The following STRBP variants were observed in gnomAD, a reference collection of about 807,000 sequenced individuals.
STRBP encodes spermatid perinuclear RNA-binding protein.
STRBP carries 13 observed loss-of-function variants against 80.1 expected under a neutral mutation model. The observed-to-expected ratio is 0.16, with a 90% CI of 0.11 to 0.26. The LOEUF (loss-of-function observed/expected upper bound fraction) is 0.26. STRBP is among the 10% of genes least tolerant of loss of function. The pLI is 1.00. For synonymous variants in STRBP, 284 were observed against 291.2 expected (o/e 0.98, Z 0.25); for missense variants, 485 against 815.2 (o/e 0.59, Z 4.93).
chr9:123,171,470 A>G (rs1268950089), intron 5 of STRBP, among the ~76,000 whole-genome samples: 2 of 152,160 alleles, frequency 1.3e-5, no homozygotes, highest in Admixed American at 6.5e-5. Context: ...CACCATGAAA[A>G]CTGGGCAGGG....
Position 123,138,990 on chromosome 9 carries a change from T to A in STRBP, c.1497+539A>T, listed in dbSNP as rs112926279. Among the ~76,000 whole-genome samples, 1,291 of 152,316 alleles carry A rather than the reference T, an allele frequency of 8.5e-3. 18 individuals are homozygous for A. Among genetic ancestry groups the A allele is most frequent in the African/African-American group, 0.029 (1,192 of 41,562 alleles). ...GTGTATACTCAGTACTTGGATTTCA[T>A]CCCATTCTATTATCTGCGACAATAA... On this transcript the variant is annotated intron_variant, in intron 14 of 18. Coordinates refer to ENST00000348403, the MANE Select transcript of STRBP (RefSeq NM_018387.5).
chr9:123,225,349 A>T (rs1225249287), intron 2 of STRBP, among the ~76,000 whole-genome samples: 5 of 152,234 alleles, frequency 3.3e-5, no homozygotes, highest in African/African-American at 1.2e-4. Flanking sequence ...AAAAAGGAAA[A>T]CAGAAAAGTA....
intron 4 of STRBP, 125 bp downstream of exon 4, chr9:123,178,882 G>A: frequency 1.4e-6 from 1 of 721,072 alleles, no homozygotes; most frequent in Non-Finnish European, 2.3e-6. Flanking sequence ...TTACTTCCTT[G>A]GTTATAGTCT....
intron 14 of STRBP, among the ~76,000 whole-genome samples, chr9:123,137,952 T>C (rs1300602391): frequency 1.3e-5 from 2 of 152,214 alleles, no homozygotes; most frequent in East Asian, 3.8e-4. Context: ...TAATGAGTGA[T>C]TTTTGAAACT....
chr9:123,258,495 C>A (rs906944917), intron 1 of STRBP, among the ~76,000 whole-genome samples: 1 of 152,266 alleles, frequency 6.6e-6, no homozygotes, highest in East Asian at 1.9e-4. Context: ...CAGAAATATG[C>A]CTGGTATGTT....
At chr9:123,213,149 T>C (rs1267692968) in intron 2 of STRBP, among the ~76,000 whole-genome samples, 1 of 152,200 alleles carries the variant, frequency 6.6e-6, no homozygotes, top group Non-Finnish European at 1.5e-5. Context: ...ACAGTCATGG[T>C]AGTAGTTTGA....
chr9:123,190,731 A>C (rs1448869592), intron 2 of STRBP, among the ~76,000 whole-genome samples: 1 of 152,260 alleles, frequency 6.6e-6, no homozygotes, highest in Non-Finnish European at 1.5e-5. Flanking sequence ...GAGCCAGCTA[A>C]GTCGAACCAG....
In STRBP at chr9:123,169,895, T is replaced by A. The variant is rs111326919; in HGVS notation, c.535+7A>T. On this transcript the variant is annotated splice_region_variant and intron_variant, in intron 6 of 18. Transcript: ENST00000348403. ...ATACATATATATATATATATATACA[T>A]GTGTACCTCCATCCTTCTTCTCCAA... The A allele has an allele frequency of 6.9e-7, 1 of 1,443,064 alleles. No homozygotes were observed. The allele number at this position is 1,443,064 out of a possible 1,614,324, so 89.4% of individuals were successfully genotyped here. A position where few individuals can be genotyped will look rare whatever the true frequency, so the allele number is the denominator to read the frequency against.
At chr9:123,191,862 C>A (rs1385887057) in intron 2 of STRBP, among the ~76,000 whole-genome samples, 1 of 152,230 alleles carries the variant, frequency 6.6e-6, no homozygotes, top group East Asian at 1.9e-4. Flanking sequence ...GTTTTCAGCA[C>A]AGAATGACAA....
rs1397280229 is a variant in STRBP at position 123,184,222 on chromosome 9, C to T, written c.-88G>A. 4.3e-6 allele frequency: 6 copies of T among 1,381,208 alleles called. No individual in the cohort carries two copies. In the East Asian group the frequency reaches 1.2e-4, roughly 27 times the overall value. 85.6% of individuals were successfully genotyped at this position (1,381,208 alleles called of 1,614,324 possible). ...TAGACACTGTTTTGTGTAACAATACCTCCTCATAAGCCTGAGTCCCCTGAC... is the reference window on the plus strand; with the variant it reads ...TAGACACTGTTTTGTGTAACAATACTTCCTCATAAGCCTGAGTCCCCTGAC... On this transcript the variant is annotated 5_prime_UTR_variant, in exon 3 of 19. Transcript: ENST00000348403.
At chr9:123,161,881 T>G (rs367556114) in intron 6 of STRBP, among the ~76,000 whole-genome samples, 2 of 152,358 alleles carry the variant, frequency 1.3e-5, no homozygotes, top group East Asian at 1.9e-4. Context: ...ACAGCCAAAT[T>G]TATCTCCTCT....
At chr9:123,224,222 G>A (rs1190523397) in intron 2 of STRBP, among the ~76,000 whole-genome samples, 2 of 152,298 alleles carry the variant, frequency 1.3e-5, no homozygotes, top group African/African-American at 4.8e-5. Context: ...ACCCACTCAT[G>A]CCTTGTCTAA....
intron 2 of STRBP, among the ~76,000 whole-genome samples, chr9:123,218,008 C>T (rs1178822957): frequency 6.6e-6 from 1 of 152,190 alleles, no homozygotes; most frequent in Non-Finnish European, 1.5e-5. Flanking sequence ...AGCATCCTCA[C>T]ACTACAAACA....
At chr9:123,207,548 C>T (rs2039563011) in intron 2 of STRBP, among the ~76,000 whole-genome samples, 1 of 151,832 alleles carries the variant, frequency 6.6e-6, no homozygotes, top group Non-Finnish European at 1.5e-5. Context: ...GAGTGGTTAC[C>T]TTTGGGAAAA....
chr9:123,139,520 T>C lies in STRBP; in HGVS notation c.1497+9A>G, dbSNP rs1462995489. 3.2e-6 allele frequency: 5 copies of C among 1,554,238 alleles called. No homozygotes were observed. Among genetic ancestry groups the C allele is most frequent in the Admixed American group, 4.4e-5 (2 of 45,328 alleles). Reference sequence around the variant, plus strand: ...TGTTATTTTTTTTCTGAGAAAAAAATAAGTATACCTCTAAGGTACTGGAGG... The same window carrying C: ...TGTTATTTTTTTTCTGAGAAAAAAACAAGTATACCTCTAAGGTACTGGAGG... On this transcript the variant is annotated intron_variant, in intron 14 of 18. Coordinates refer to ENST00000348403, the MANE Select transcript of STRBP (RefSeq NM_018387.5).
intron 1 of STRBP, among the ~76,000 whole-genome samples, chr9:123,241,329 T>C (rs1026177772): frequency 6.6e-6 from 1 of 151,890 alleles, no homozygotes; most frequent in African/African-American, 2.4e-5. Flanking sequence ...AATGGAGAAT[T>C]TGTCTCTACA....
intron 6 of STRBP, among the ~76,000 whole-genome samples, chr9:123,169,608 G>C (rs1309425176): frequency 6.6e-6 from 1 of 152,070 alleles, no homozygotes; most frequent in Non-Finnish European, 1.5e-5. Context: ...TGCAATACTA[G>C]ACAAAGTAAA....
chr9:123,194,064 C>T (rs555109663), intron 2 of STRBP, among the ~76,000 whole-genome samples: 2 of 152,030 alleles, frequency 1.3e-5, no homozygotes, highest in Non-Finnish European at 2.9e-5. Flanking sequence ...AATATCCTGC[C>T]GTGTCCAAGA....
downstream of STRBP, among the ~76,000 whole-genome samples, chr9:123,118,533 GATCA>G (rs914661925): frequency 1.3e-5 from 2 of 152,248 alleles, no homozygotes; most frequent in Non-Finnish European, 2.9e-5. Flanking sequence ...GTTGACAACT[GATCA>G]GTCAAGGCAA....
Sources: allele counts gnomAD v4.1 joint callset (sites outside exome capture counted in the v4.1 genomes callset), GRCh38; gene constraint gnomAD v4.1.1; transcripts MANE v1.5; gene names NCBI Gene and HGNC (gene_info 2026-07-23, HGNC 2026-07-21).